DNTTIP1: variants seen among roughly 807,000 people sequenced by gnomAD.
DNTTIP1 encodes deoxynucleotidyltransferase terminal-interacting protein 1.
In DNTTIP1, 22 loss-of-function variants were observed where a neutral mutation model predicts 52.9. That is an observed-to-expected ratio of 0.42 (90% CI 0.30 to 0.59). The LOEUF (loss-of-function observed/expected upper bound fraction) is 0.59, where lower values mean the gene tolerates loss of function less well. Among genes scored for constraint, DNTTIP1 ranks in the 20% least tolerant of loss-of-function variants. DNTTIP1 has a pLI of 0.22. For synonymous variants in DNTTIP1, 136 were observed against 155.1 expected (o/e 0.88, Z 0.92); for missense variants, 286 against 435.5 (o/e 0.66, Z 3.06).
intron 4 of DNTTIP1, among the ~76,000 whole-genome samples, chr20:45,800,695 ATAT>A (rs1981423311): frequency 4.4e-4 from 4 of 9,100 alleles, no homozygotes; most frequent in African/African-American, 8.3e-4. Context: ...AAAAAAAAAA[ATAT>A]ATATATATAT....
chr20:45,798,976 G>A (rs1299698399), intron 4 of DNTTIP1, among the ~76,000 whole-genome samples: 1 of 152,206 alleles, frequency 6.6e-6, no homozygotes, highest in Non-Finnish European at 1.5e-5. Flanking sequence ...ACAAATGTGT[G>A]CATAATTACA....
At chr20:45,801,163 G>C (rs758904947) in intron 5 of DNTTIP1, 21 bp downstream of exon 5, 6 of 1,611,736 alleles carry the variant, frequency 3.7e-6, no homozygotes, top group Non-Finnish European at 5.1e-6. Context: ...CTGTGTTCTC[G>C]GGTATTGGAG....
chr20:45,794,374 T>C (rs1358524287), intron 3 of DNTTIP1, among the ~76,000 whole-genome samples: 1 of 152,034 alleles, frequency 6.6e-6, no homozygotes, highest in Non-Finnish European at 1.5e-5. Context: ...CTCGAACTCC[T>C]GACCTCAAAT....
intron 10 of DNTTIP1, 64 bp downstream of exon 10, chr20:45,805,430 C>A: frequency 6.5e-7 from 1 of 1,543,304 alleles, no homozygotes; most frequent in Non-Finnish European, 8.8e-7. Context: ...CTCCACTCAG[C>A]ACAGAGAAGC....
At chr20:45,810,543 G>A (rs976172775) in intron 11 of DNTTIP1, among the ~76,000 whole-genome samples, 14 of 150,470 alleles carry the variant, frequency 9.3e-5, no homozygotes, top group African/African-American at 3.4e-4. Flanking sequence ...AGGTGTAGGA[G>A]CAATGGTGGA....
At chr20:45,796,510 ACCCTGCTGCCT>A (rs1345092164) in intron 4 of DNTTIP1, 1 of 470,990 alleles carries the variant, frequency 2.1e-6, no homozygotes, top group Non-Finnish European at 4.4e-6. Flanking sequence ...GGGGATGAGC[ACCCTGCTGCCT>A]CCCTGCCTCT....
In DNTTIP1 at chr20:45,792,709, G is replaced by A. The variant is rs182101833; in HGVS notation, c.138G>A (p.Gln46=). 1.3e-4 allele frequency: 206 copies of A among 1,612,576 alleles called. No homozygotes were observed. Among genetic ancestry groups the A allele is most frequent in the Non-Finnish European group, 1.7e-4 (200 of 1,179,312 alleles). Residue 46 remains glutamine (Q), a synonymous_variant, in exon 2 of 13, where the codon CAG becomes CAA. Coordinates refer to ENST00000372622, the MANE Select transcript of DNTTIP1 (RefSeq NM_052951.3). ...NPWNIMIKHR[Q]VQRRGRRSQM... The stretch of plus-strand genomic sequence containing the variant: ...GGAACATAATGATAAAGCACCGGCA[G>A]GTGCAGCGGAGGGGCCGCCGCTCAC...
chr20:45,806,606 C>T lies in DNTTIP1; in HGVS notation c.723+1240C>T, dbSNP rs138508051. Among the ~76,000 whole-genome samples the T allele has an allele frequency of 1.1e-4, 17 of 152,362 alleles. No individual in the cohort carries two copies. The East Asian group carries it at 3.3e-3, about 29-fold the overall frequency. ...TTGCACTTATACGTAAGGCTTGGCA[C>T]CTCTTGCCAGAACTGCACAGCCCTG... On this transcript the variant is annotated intron_variant, in intron 10 of 12. Transcript: ENST00000372622.
chr20:45,810,203 G>C lies in DNTTIP1; in HGVS notation c.796-682G>C, dbSNP rs77227628. Among the ~76,000 whole-genome samples, 81 of 152,096 alleles carry C rather than the reference G, an allele frequency of 5.3e-4. No individual in the cohort carries two copies. In the East Asian group the frequency reaches 0.013, roughly 24 times the overall value. On this transcript the variant is annotated intron_variant, in intron 11 of 12. Transcript: ENST00000372622. Reference sequence around the variant, plus strand: ...ACAATTATTCCTGACCCTAACATTAGAAAGTCTCCCACAGAAGACTTTCTA... The same window carrying C: ...ACAATTATTCCTGACCCTAACATTACAAAGTCTCCCACAGAAGACTTTCTA...
intron 7 of DNTTIP1, among the ~76,000 whole-genome samples, chr20:45,802,650 G>A (rs1000000152): frequency 2.0e-5 from 3 of 151,978 alleles, no homozygotes; most frequent in Admixed American, 1.3e-4. Flanking sequence ...ACTTTGACTC[G>A]TCTTGATCCT....
chr20:45,802,594 C>T (rs575656685), intron 7 of DNTTIP1, among the ~76,000 whole-genome samples: 3 of 152,088 alleles, frequency 2.0e-5, no homozygotes, highest in Non-Finnish European at 4.4e-5. Flanking sequence ...CCCCCATTAT[C>T]GACATCAGGC....
intron 2 of DNTTIP1, among the ~76,000 whole-genome samples, 187 bp from the exon 3 acceptor site, chr20:45,793,732 CAT>C (rs1981129865): frequency 6.6e-6 from 1 of 152,100 alleles, no homozygotes; most frequent in South Asian, 2.1e-4. Context: ...ATATGCACTT[CAT>C]AGAGTTATTA....
At chr20:45,798,249 G>T (rs979583844) in intron 4 of DNTTIP1, among the ~76,000 whole-genome samples, 2 of 150,602 alleles carry the variant, frequency 1.3e-5, no homozygotes, top group Non-Finnish European at 2.9e-5. Flanking sequence ...ACCAAACACC[G>T]CATGTTCTCA....
At chr20:45,808,786 C>T (rs901919038) in intron 10 of DNTTIP1, among the ~76,000 whole-genome samples, 2 of 152,162 alleles carry the variant, frequency 1.3e-5, no homozygotes, top group Non-Finnish European at 2.9e-5. Context: ...ATAATAATTA[C>T]AGACGTTATA....
In DNTTIP1 at chr20:45,792,071, C is replaced by T. The variant is rs761176941; in HGVS notation, c.67C>T (p.Leu23=). 1 of 1,286,628 alleles carries T rather than the reference C, an allele frequency of 7.8e-7. No homozygotes were observed. The highest frequency in any genetic ancestry group is 9.8e-7 in the Non-Finnish European group (1 of 1,015,922). 79.7% of individuals were successfully genotyped at this position (1,286,628 alleles called of 1,614,324 possible). A position where few individuals can be genotyped will look rare whatever the true frequency, so the allele number is the denominator to read the frequency against. ...PSGAERGGLE[L]GDAGAAGQLV... ...CGGGGCCGAGAGGGGCGGCTTGGAG[C>T]TGGGGGATGCGGGCGCAGCGGGGCA... The change falls in exon 1 of 13, where the codon CTG becomes TTG. Residue 23 remains leucine, a synonymous_variant. Transcript: ENST00000372622.
At chr20:45,796,338 TTATC>T (rs1981235902) in intron 4 of DNTTIP1, 1 of 385,530 alleles carries the variant, frequency 2.6e-6, no homozygotes, top group South Asian at 2.0e-5. Flanking sequence ...CCATTTCTGT[TTATC>T]AATTATACAT....
rs149250660 is a variant in DNTTIP1, at chr20:45,807,199, C to T, written c.723+1833C>T. Among the ~76,000 whole-genome samples, 51 of 152,006 alleles carry T rather than the reference C, an allele frequency of 3.4e-4. No homozygotes were observed. The East Asian group carries it at 9.3e-3, about 28-fold the overall frequency. On this transcript the variant is annotated intron_variant, in intron 10 of 12. Transcript: ENST00000372622. ...GTGCAGTGGCGCGATCTCAGCTCAC[C>T]GCATCCTCCACCTCCTGGGTTCAAG...
At position 45,793,908 on chromosome 20, in the gene DNTTIP1, C is replaced by T. The variant is rs747135620; in HGVS notation, c.177-13C>T. On this transcript the variant is annotated splice_polypyrimidine_tract_variant and intron_variant, in intron 2 of 12. Transcript: ENST00000372622. ...GGACATGCCCCCTCACCCTGTCTCC[C>T]TCCTGAATGCAGTTTCACAGATCCT... is the stretch of plus-strand genomic sequence containing the variant. 6.4e-7 allele frequency: 1 copy of T among 1,565,750 alleles called. No homozygotes were observed. Among genetic ancestry groups the T allele is most frequent in the Non-Finnish European group, 8.7e-7 (1 of 1,151,210 alleles).
In DNTTIP1 at chr20:45,801,053, A is replaced by G. The variant is rs1981450992; in HGVS notation, c.373-21A>G. 2.5e-6 allele frequency: 4 copies of G among 1,611,872 alleles called. No homozygotes were observed. In the African/African-American group the frequency reaches 4.0e-5, roughly 16 times the overall value. On this transcript the variant is annotated intron_variant, in intron 4 of 12. Coordinates refer to ENST00000372622, the MANE Select transcript of DNTTIP1 (RefSeq NM_052951.3). ...ACCCACCAAAATAGTGACTGGTAAC[A>G]CTTGGTCTTTTTCCCTTCAGGCTAA...
Sources: allele counts gnomAD v4.1 joint callset (sites outside exome capture counted in the v4.1 genomes callset), GRCh38; gene constraint gnomAD v4.1.1; transcripts MANE v1.5; gene names NCBI Gene and HGNC (gene_info 2026-07-23, HGNC 2026-07-21).